The following RTF1 variants were observed in gnomAD, a reference collection of about 807,000 sequenced individuals.
The protein encoded by RTF1 is RTF1 homolog, Paf1/RNA polymerase II complex component, also known as RNA polymerase-associated protein RTF1 homolog.
RTF1 carries 10 observed loss-of-function variants against 95.7 expected under a neutral mutation model. The observed-to-expected ratio is 0.10, with a 90% CI of 0.06 to 0.18. The LOEUF is 0.18. Ranked by LOEUF, RTF1 falls within the 10% of genes least tolerant of loss-of-function variation. The probability of loss-of-function intolerance (pLI) is 1.00; values close to 1 mark genes in which losing one functional copy is unlikely to be tolerated. For missense variants in RTF1, 458 were observed against 875.6 expected (o/e 0.52, Z 6.02); for synonymous variants, 305 against 311.8 (o/e 0.98, Z 0.23).
chr15:41,450,011 C>T (rs1446057094), intron 2 of RTF1, among the ~76,000 whole-genome samples: 1 of 151,804 alleles, frequency 6.6e-6, no homozygotes, highest in Non-Finnish European at 1.5e-5. Context: ...GCCTTGGTAA[C>T]ATAGTGAGAC....
At chr15:41,447,290 C>G (rs2050768596) in intron 2 of RTF1, among the ~76,000 whole-genome samples, 1 of 152,168 alleles carries the variant, frequency 6.6e-6, no homozygotes, top group Admixed American at 6.6e-5. Context: ...CTGCCTTCAT[C>G]ATGCTCAAAA....
At chr15:41,478,421 AAAAAGG>A in intron 14 of RTF1, 121 bp from the exon 15 acceptor site, 1 of 752,434 alleles carries the variant, frequency 1.3e-6, no homozygotes, top group Non-Finnish European at 2.2e-6. Context: ...AAAAAAAAAA[AAAAAGG>A]AAAAGGATAA....
chr15:41,475,482 C>A, intron 9 of RTF1, 43 bp from the exon 10 acceptor site: 2 of 1,523,970 alleles, frequency 1.3e-6, no homozygotes, highest in South Asian at 2.2e-5. Context: ...GTACTACAGT[C>A]AACATGCACA....
chr15:41,445,312 C>T (rs2050755410), intron 2 of RTF1, among the ~76,000 whole-genome samples: 1 of 152,172 alleles, frequency 6.6e-6, no homozygotes. Flanking sequence ...TTCTAGACAC[C>T]ATTAAGATCT....
chr15:41,447,588 C>T (rs1341273038), intron 2 of RTF1, among the ~76,000 whole-genome samples: 1 of 152,172 alleles, frequency 6.6e-6, no homozygotes, highest in Non-Finnish European at 1.5e-5. Context: ...TTTAAGTTTT[C>T]TTCATTGCAT....
Position 41,417,153 on chromosome 15 carries a change from C to CGGCGGCAGT in RTF1, c.44_45insAGTGGCGGC (p.Ala15_Ala16insValAlaAla). 1 of 1,259,700 alleles carries CGGCGGCAGT rather than the reference C, an allele frequency of 7.9e-7. No homozygotes were observed. The highest frequency in any genetic ancestry group is 1.0e-6 in the Non-Finnish European group (1 of 998,206). 78.0% of individuals were successfully genotyped at this position (1,259,700 alleles called of 1,614,324 possible). ...CTTTGTGTGGGTCGAGCAGCGGCGG[C>CGGCGGCAGT]GGCGGCGGCAGTGGCGGTCCCACTG... On this transcript the variant is annotated inframe_insertion, in exon 1 of 18. Transcript: ENST00000389629.
At chr15:41,442,689 C>T (rs2140953712) in intron 2 of RTF1, among the ~76,000 whole-genome samples, 1 of 152,088 alleles carries the variant, frequency 6.6e-6, no homozygotes, top group South Asian at 2.1e-4. Flanking sequence ...AGTTCGAGAC[C>T]AGACTGGCCA....
intron 6 of RTF1, among the ~76,000 whole-genome samples, chr15:41,467,876 T>C (rs2050888406): frequency 6.6e-6 from 1 of 151,424 alleles, no homozygotes. Flanking sequence ...AATAATAAAA[T>C]TAGCCAGGCC....
intron 1 of RTF1, among the ~76,000 whole-genome samples, chr15:41,418,036 C>CT (rs1273958500): frequency 2.0e-5 from 3 of 152,296 alleles, no homozygotes; most frequent in African/African-American, 7.2e-5. Context: ...CCTCTTGGCC[C>CT]TTTCACGCAG....
At chr15:41,477,704 C>A in intron 14 of RTF1, 189 bp downstream of exon 14, 1 of 602,208 alleles carries the variant, frequency 1.7e-6, no homozygotes. Flanking sequence ...GTCTTCTGCC[C>A]TGTCCTACCT....
intron 1 of RTF1, among the ~76,000 whole-genome samples, chr15:41,430,111 A>G (rs1441060838): frequency 1.4e-5 from 2 of 145,838 alleles, no homozygotes; most frequent in African/African-American, 2.5e-5. Flanking sequence ...GGGTTCACGC[A>G]GTTCTCCTGC....
At chr15:41,460,052 T>G (rs530389150) in intron 4 of RTF1, among the ~76,000 whole-genome samples, 149 of 152,190 alleles carry the variant, frequency 9.8e-4, no homozygotes, top group African/African-American at 3.4e-3. Context: ...TGCTGAGTTA[T>G]CCTAGAGAAG....
intron 2 of RTF1, among the ~76,000 whole-genome samples, chr15:41,450,143 C>T (rs1385835968): frequency 1.3e-5 from 2 of 152,152 alleles, no homozygotes; most frequent in Non-Finnish European, 2.9e-5. Context: ...CTGCAGTGAG[C>T]TATGATCATG....
At chr15:41,446,778 G>A (rs2050765552) in intron 2 of RTF1, among the ~76,000 whole-genome samples, 1 of 151,284 alleles carries the variant, frequency 6.6e-6, no homozygotes, top group African/African-American at 2.4e-5. Flanking sequence ...TAATCCCAGT[G>A]TAGTTTGTCA....
intron 2 of RTF1, among the ~76,000 whole-genome samples, chr15:41,439,635 C>G (rs193096456): frequency 5.9e-5 from 9 of 152,194 alleles, no homozygotes; most frequent in African/African-American, 2.2e-4. Context: ...CTACATGTTT[C>G]TCATTTGATT....
chr15:41,431,885 T>C (rs1015651082), intron 1 of RTF1, among the ~76,000 whole-genome samples: 7 of 151,382 alleles, frequency 4.6e-5, no homozygotes, highest in African/African-American at 1.7e-4. Flanking sequence ...ACTGCAACCT[T>C]CACCTGCCAG....
rs1176981008 is a variant in RTF1 at position 41,480,246 on chromosome 15, G to T, written c.1947G>T (p.Lys649Asn). The change falls in exon 17 of 18, where the codon AAG becomes AAT. Residue 649 changes from lysine to asparagine, a missense_variant. Transcript: ENST00000389629. ...GCAAAGATAAAGATTTGAATTCTAA[G>T]TCAGCCAGTGACCTCTCAGAAGATC... ...GQGKDKDLNSKSASDLSEDLF... is the reference protein window; with the variant it reads ...GQGKDKDLNSNSASDLSEDLF... 1 of 1,613,718 alleles carries T rather than the reference G, an allele frequency of 6.2e-7. No individual in the cohort carries two copies. Among genetic ancestry groups the T allele is most frequent in the Non-Finnish European group, 8.5e-7 (1 of 1,179,612 alleles).
chr15:41,449,368 C>A (rs903423674), intron 2 of RTF1, among the ~76,000 whole-genome samples: 3 of 151,820 alleles, frequency 2.0e-5, no homozygotes, highest in Non-Finnish European at 4.4e-5. Context: ...GTAGCTGGGA[C>A]TACAGGCGCC....
intron 1 of RTF1, among the ~76,000 whole-genome samples, chr15:41,425,047 G>A (rs1420852038): frequency 6.6e-6 from 1 of 152,062 alleles, no homozygotes; most frequent in Middle Eastern, 3.2e-3. Context: ...GCCACTGGAG[G>A]GCGTCAGCCT....
Sources: gnomAD v4.1 joint callset for allele counts (sites outside exome capture counted in the v4.1 genomes callset) on GRCh38, gnomAD v4.1.1 for gene constraint, MANE v1.5 for transcripts, NCBI Gene and HGNC (gene_info 2026-07-23, HGNC 2026-07-21) for gene names.